CSMD1: variants seen among roughly 807,000 people sequenced by gnomAD.
CSMD1 encodes CUB and sushi domain-containing protein 1.
In CSMD1, 213 loss-of-function variants were observed where a neutral mutation model predicts 417.5. The observed-to-expected ratio is 0.51, with a 90% CI of 0.46 to 0.57. The LOEUF (loss-of-function observed/expected upper bound fraction) is 0.57, where lower values mean the gene tolerates loss of function less well. CSMD1 is among the 20% of genes least tolerant of loss of function. CSMD1 has a pLI of 0.00. For missense variants in CSMD1, 6,923 were observed against 4,529.7 expected (o/e 1.53, Z -15.17); for synonymous variants, 2,862 against 1,736.8 (o/e 1.65, Z -16.11).
At chr8:3,460,332 G>T (rs1032346811) in intron 12 of CSMD1, among the ~76,000 whole-genome samples, 2 of 152,106 alleles carry the variant, frequency 1.3e-5, no homozygotes, top group African/African-American at 4.8e-5. Flanking sequence ...AAGTTCCATG[G>T]GACAAACATC....
chr8:3,267,914 G>T (rs1301472310), intron 26 of CSMD1, among the ~76,000 whole-genome samples: 1 of 152,106 alleles, frequency 6.6e-6, no homozygotes, highest in Non-Finnish European at 1.5e-5. Context: ...GAGATCAAAG[G>T]GCAGCAGAGG....
At chr8:4,450,937 A>G (rs2129817816) in intron 2 of CSMD1, among the ~76,000 whole-genome samples, 1 of 152,314 alleles carries the variant, frequency 6.6e-6, no homozygotes, top group East Asian at 1.9e-4. Flanking sequence ...GGCCAATAAA[A>G]GAACCCATAC....
At chr8:3,235,858 C>G (rs148320021) in intron 26 of CSMD1, among the ~76,000 whole-genome samples, 3 of 150,392 alleles carry the variant, frequency 2.0e-5, no homozygotes, top group African/African-American at 7.4e-5. Context: ...GTCTAATAAA[C>G]AGAAATACTG....
At chr8:3,079,448 A>G (rs111950635) in intron 49 of CSMD1, among the ~76,000 whole-genome samples, 11 of 152,366 alleles carry the variant, frequency 7.2e-5, no homozygotes, top group African/African-American at 2.6e-4. Context: ...TATTGTATTA[A>G]TATCACAAAA....
At chr8:3,831,647 G>A (rs1802383876) in intron 5 of CSMD1, among the ~76,000 whole-genome samples, 1 of 152,020 alleles carries the variant, frequency 6.6e-6, no homozygotes, top group Admixed American at 6.6e-5. Flanking sequence ...CCTTCAAAAG[G>A]AATCTATGAC....
intron 1 of CSMD1, among the ~76,000 whole-genome samples, chr8:4,805,891 C>A (rs559656128): frequency 2.6e-5 from 4 of 152,104 alleles, no homozygotes; most frequent in Admixed American, 6.6e-5. Flanking sequence ...CGTAACCATT[C>A]ATGGTGACTC....
In CSMD1 at chr8:3,135,936, G is replaced by C. The variant is rs138413050; in HGVS notation, c.6241+6529C>G. ...AGAAAAAGCTATGAAAATCACAACA[G>C]GGGCAAAAAGAATTCAGGTGTCACT... On this transcript the variant is annotated intron_variant, in intron 41 of 69. Coordinates refer to ENST00000635120, the MANE Select transcript of CSMD1 (RefSeq NM_033225.6). Among the ~76,000 whole-genome samples the C allele has an allele frequency of 4.4e-3, 664 of 152,264 alleles. 7 individuals are homozygous for C. Among genetic ancestry groups the C allele is most frequent in the African/African-American group, 0.015 (629 of 41,546 alleles).
rs80273160 is a variant in CSMD1, at chr8:4,441,919, T to C, written c.303-21854A>G. ...TTTTAGGAAATTCCTTTATAAATCTTATCAGCTTCTTACATAACCATTGTA... is the reference window on the plus strand; with the variant it reads ...TTTTAGGAAATTCCTTTATAAATCTCATCAGCTTCTTACATAACCATTGTA... On this transcript the variant is annotated intron_variant, in intron 2 of 69. Coordinates refer to ENST00000635120, the MANE Select transcript of CSMD1 (RefSeq NM_033225.6). 8.7e-4 allele frequency among the ~76,000 whole-genome samples: 132 copies of C among 152,338 alleles called. 2 individuals are homozygous for C. The East Asian group carries it at 0.014, about 16-fold the overall frequency.
intron 3 of CSMD1, among the ~76,000 whole-genome samples, chr8:4,302,055 T>G (rs1168811245): frequency 2.0e-5 from 3 of 152,238 alleles, no homozygotes; most frequent in Non-Finnish European, 4.4e-5. Flanking sequence ...ATTTTTTCAT[T>G]AGAATTTTCC....
At chr8:3,883,173 G>C (rs1048936616) in intron 5 of CSMD1, among the ~76,000 whole-genome samples, 2 of 152,020 alleles carry the variant, frequency 1.3e-5, no homozygotes, top group Non-Finnish European at 2.9e-5. Flanking sequence ...GAATTAAATG[G>C]CTGGGTGCAA....
chr8:3,241,549 C>G (rs1385147111), intron 26 of CSMD1, among the ~76,000 whole-genome samples: 1 of 152,116 alleles, frequency 6.6e-6, no homozygotes, highest in Admixed American at 6.5e-5. Flanking sequence ...TCCAGGGGCT[C>G]TGGGAGTGGC....
intron 5 of CSMD1, among the ~76,000 whole-genome samples, chr8:3,939,069 G>A (rs1438766806): frequency 1.3e-5 from 2 of 152,072 alleles, no homozygotes; most frequent in African/African-American, 4.8e-5. Context: ...CAGTCTGACA[G>A]AATAAATAAA....
intron 4 of CSMD1, among the ~76,000 whole-genome samples, chr8:4,011,242 C>G (rs886289338): frequency 4.6e-5 from 7 of 152,114 alleles, no homozygotes; most frequent in Non-Finnish European, 1.0e-4. Flanking sequence ...GTTTTTAAGC[C>G]ACGACTTTAC....
intron 5 of CSMD1, among the ~76,000 whole-genome samples, chr8:3,831,107 G>C (rs76786393): frequency 6.6e-6 from 1 of 152,060 alleles, no homozygotes; most frequent in African/African-American, 2.4e-5. Flanking sequence ...ATACCATTCA[G>C]AATTAAATGT....
intron 1 of CSMD1, among the ~76,000 whole-genome samples, chr8:4,728,655 T>G (rs1809633302): frequency 6.6e-6 from 1 of 152,194 alleles, no homozygotes. Flanking sequence ...GAATCTTAAC[T>G]AGTTAATATT....
chr8:3,535,115 A>AT (rs397953536), intron 10 of CSMD1, among the ~76,000 whole-genome samples: 26,866 of 147,564 alleles, frequency 0.18, 3,310 homozygotes, highest in African/African-American at 0.35. Context: ...GTCAGCTAAT[A>AT]TTTTTTTTTT....
intron 5 of CSMD1, among the ~76,000 whole-genome samples, chr8:3,785,467 C>G (rs561217406): frequency 5.3e-4 from 81 of 152,302 alleles, no homozygotes; most frequent in Admixed American, 2.6e-3. Context: ...GCCATGCCCT[C>G]CTAAGGCTTG....
Position 3,331,132 on chromosome 8 carries a change from G to A in CSMD1, c.3631+12162C>T, listed in dbSNP as rs558574960. On this transcript the variant is annotated intron_variant, in intron 23 of 69. Coordinates refer to ENST00000635120, the MANE Select transcript of CSMD1 (RefSeq NM_033225.6). ...GGGTGCCTGTAGTCCCAGCTATTCA[G>A]GAGGCTGAGGCAGGAGAATGGTGTG... Among the ~76,000 whole-genome samples, 6 of 152,022 alleles carry A rather than the reference G, an allele frequency of 3.9e-5. No homozygotes were observed. In the East Asian group the frequency reaches 9.7e-4, roughly 25 times the overall value.
intron 1 of CSMD1, among the ~76,000 whole-genome samples, chr8:4,789,455 A>G (rs1454899548): frequency 6.6e-6 from 1 of 152,152 alleles, no homozygotes; most frequent in Non-Finnish European, 1.5e-5. Context: ...TTACAAAATA[A>G]CGCATTTAAA....
Sources: gnomAD v4.1 joint callset for allele counts (sites outside exome capture counted in the v4.1 genomes callset) on GRCh38, gnomAD v4.1.1 for gene constraint, MANE v1.5 for transcripts, NCBI Gene and HGNC (gene_info 2026-07-23, HGNC 2026-07-21) for gene names.